Variants in ERAP1 observed in about 807,000 individuals in gnomAD.
ERAP1 encodes the protein adipocyte-derived leucine aminopeptidase.
A neutral mutation model predicts 103.7 loss-of-function variants in ERAP1; 86 were observed. The observed-to-expected ratio is 0.83, with a 90% CI of 0.70 to 0.99. The LOEUF (loss-of-function observed/expected upper bound fraction) is 0.99, where lower values mean the gene tolerates loss of function less well. ERAP1 is among the 50% of genes least tolerant of loss of function. The pLI, the probability that ERAP1 is intolerant of heterozygous loss-of-function variation, is 0.00. For synonymous variants in ERAP1, 398 were observed against 402.4 expected (o/e 0.99, Z 0.13); for missense variants, 1,009 against 1,128.4 (o/e 0.89, Z 1.52).
At position 96,803,943 on chromosome 5, in the gene ERAP1, C is replaced by G. The variant is rs1029174225; in HGVS notation, c.-17G>C. The G allele has an allele frequency of 6.2e-7, 1 of 1,602,844 alleles. No homozygotes were observed. Among genetic ancestry groups the G allele is most frequent in the African/African-American group, 1.3e-5 (1 of 75,028 alleles). On this transcript the variant is annotated splice_region_variant and 5_prime_UTR_variant, in exon 2 of 19. Coordinates refer to ENST00000443439, the MANE Select transcript of ERAP1 (RefSeq NM_001040458.3). ...AAACACCATCTTCTTGCTCTACCTA[C>G]CTAGCGGCACAAATGTACAAAAGCA...
chr5:96,839,959 T>A, the ERAP1 span, among the ~76,000 whole-genome samples: 1 of 152,232 alleles, frequency 6.6e-6, no homozygotes, highest in Admixed American at 6.5e-5. Context: ...CTGTTTATAC[T>A]TGTAAGTAAA....
At chr5:96,809,724 G>T (rs976107514), upstream of ERAP1, among the ~76,000 whole-genome samples, 1 of 152,038 alleles carries the variant, frequency 6.6e-6, no homozygotes, top group Non-Finnish European at 1.5e-5. Context: ...AGGTATCAAT[G>T]GATAGCGTGT....
chr5:96,892,296 T>C, the ERAP1 span: 7 of 1,613,584 alleles, frequency 4.3e-6, no homozygotes, highest in African/African-American at 9.3e-5. Flanking sequence ...TCTTATTTCT[T>C]AGATTTAATT....
chr5:96,877,423 C>T, the ERAP1 span, among the ~76,000 whole-genome samples: 2 of 151,850 alleles, frequency 1.3e-5, no homozygotes, highest in Non-Finnish European at 2.9e-5. Context: ...CAAGTGGGGG[C>T]GAGCTACTCC....
intron 1 of ERAP1, among the ~76,000 whole-genome samples, chr5:96,805,361 A>ATTT (rs1561295274): frequency 2.0e-5 from 3 of 148,986 alleles, no homozygotes; most frequent in African/African-American, 7.6e-5. Context: ...TTTTTTTAAA[A>ATTT]AAAAAAAAAA....
the ERAP1 span, among the ~76,000 whole-genome samples, chr5:96,815,289 C>A: frequency 2.6e-5 from 4 of 151,906 alleles, no homozygotes; most frequent in South Asian, 8.3e-4. Context: ...TGTTCCCATT[C>A]TAAAAGATGA....
At chr5:96,800,020 C>T (rs27036) in intron 3 of ERAP1, among the ~76,000 whole-genome samples, 38,647 of 152,094 alleles carry the variant, frequency 0.25, 5,060 homozygotes, top group Admixed American at 0.33. Context: ...ATTGCTTCCC[C>T]GGTCAGCACA....
In ERAP1 at chr5:96,783,162, C is replaced by G. The variant is rs17482078; in HGVS notation, c.2174G>C (p.Arg725Pro). Residue 725 changes from arginine (R) to proline (P), a missense_variant, in exon 15 of 19, where the codon CGA becomes CCA. Around this residue, in one of 3 missense-constraint regions of ERAP1, gnomAD observed 611 missense variants for 651.7 expected, o/e 0.94. Coordinates refer to ENST00000443439, the MANE Select transcript of ERAP1 (RefSeq NM_001040458.3). Reference sequence around the variant, plus strand: ...GAGTAGTAGTTGACTCCGCAGCATTCGCTCTGAGACTGAGCCCTCGTCTGT... The same window carrying G: ...GAGTAGTAGTTGACTCCGCAGCATTGGCTCTGAGACTGAGCCCTCGTCTGT... ...TWTDEGSVSE[R>P]MLRSQLLLLA... The G allele has an allele frequency of 4.3e-6, 7 of 1,614,106 alleles. No individual in the cohort carries two copies. The Admixed American group carries it at 1.0e-4, about 23-fold the overall frequency.
At chr5:96,908,739 T>C in the ERAP1 span, among the ~76,000 whole-genome samples, 4 of 152,220 alleles carry the variant, frequency 2.6e-5, no homozygotes, top group African/African-American at 9.6e-5. Context: ...GAAGATAGTA[T>C]TATTATCCCC....
At chr5:96,785,622 G>T (rs1775889361) in intron 13 of ERAP1, 166 bp downstream of exon 13, 1 of 706,992 alleles carries the variant, frequency 1.4e-6, no homozygotes, top group Non-Finnish European at 2.5e-6. Flanking sequence ...CAGACAGGAG[G>T]TTAATTATAA....
the ERAP1 span, chr5:96,909,888 C>A: frequency 1.1e-6 from 1 of 933,868 alleles, no homozygotes; most frequent in Non-Finnish European, 1.6e-6. Flanking sequence ...CTGGGCATTA[C>A]AAACCCTGTT....
intron 4 of ERAP1, among the ~76,000 whole-genome samples, chr5:96,795,979 A>C (rs1251247014): frequency 6.6e-6 from 1 of 152,234 alleles, no homozygotes; most frequent in East Asian, 1.9e-4. Flanking sequence ...ATTAATATAG[A>C]TTAGACATTA....
chr5:96,778,181 G>A (rs1330708323), intron 18 of ERAP1, among the ~76,000 whole-genome samples: 1 of 152,176 alleles, frequency 6.6e-6, no homozygotes, highest in Non-Finnish European at 1.5e-5. Flanking sequence ...TACTGTGCTA[G>A]ACACTGAGGA....
At chr5:96,913,486 T>C in the ERAP1 span, 1 of 1,612,314 alleles carries the variant, frequency 6.2e-7, no homozygotes, top group Middle Eastern at 1.7e-4. Flanking sequence ...CCAATGTTTG[T>C]TCTTCCATGC....
upstream of ERAP1, among the ~76,000 whole-genome samples, chr5:96,810,019 G>T (rs1461628078): frequency 6.6e-6 from 1 of 152,184 alleles, no homozygotes; most frequent in Admixed American, 6.5e-5. Context: ...TGCCCTGAAT[G>T]GATGTGGGCA....
chr5:96,788,530 C>T lies in ERAP1; in HGVS notation c.1679+1G>A. The T allele has an allele frequency of 1.2e-6, 2 of 1,614,124 alleles. No individual in the cohort carries two copies. Among genetic ancestry groups the T allele is most frequent in the Non-Finnish European group, 1.7e-6 (2 of 1,180,034 alleles). On this transcript the variant is annotated splice_donor_variant, in intron 11 of 18. Coordinates refer to ENST00000443439, the MANE Select transcript of ERAP1 (RefSeq NM_001040458.3). LOFTEE classifies it high-confidence loss of function. ...AACAAATTTTACTCTAGGAGCATTA[C>T]CCAGTGTCCGGGGCGCCGTCAGAGC...
the ERAP1 span, among the ~76,000 whole-genome samples, chr5:96,911,866 C>CAAAAAA: frequency 5.6e-4 from 32 of 56,652 alleles, no homozygotes; most frequent in African/African-American, 2.1e-3. Flanking sequence ...GACCCTGTCT[C>CAAAAAA]AAAAAAAAAA....
At chr5:96,912,571 A>G in the ERAP1 span, 1 of 1,294,396 alleles carries the variant, frequency 7.7e-7, no homozygotes. Flanking sequence ...AGGACTTAAA[A>G]TTGTCATAAG....
At chr5:96,908,703 A>G in the ERAP1 span, among the ~76,000 whole-genome samples, 1 of 152,236 alleles carries the variant, frequency 6.6e-6, no homozygotes, top group Non-Finnish European at 1.5e-5. Context: ...ATATTAGGTC[A>G]TTAATCCTCA....
Sources: allele counts gnomAD v4.1 joint callset (sites outside exome capture counted in the v4.1 genomes callset), GRCh38; gene constraint gnomAD v4.1.1; regional missense constraint gnomAD v4.1.1; transcripts MANE v1.5; gene names NCBI Gene and HGNC (gene_info 2026-07-23, HGNC 2026-07-21).